Variants in GBE1 observed in about 807,000 individuals in gnomAD.
GBE1 encodes 1,4-alpha-glucan-branching enzyme.
Under a neutral mutation model 88.8 loss-of-function variants are expected in GBE1, and 70 were observed. The observed-to-expected ratio is 0.79, with a 90% confidence interval of 0.65 to 0.96. The LOEUF (loss-of-function observed/expected upper bound fraction) is 0.96. Ranked by LOEUF, GBE1 falls within the 40% of genes least tolerant of loss-of-function variation. The pLI is 0.00. For synonymous variants in GBE1, 284 were observed against 300.1 expected, an observed-to-expected ratio of 0.95 and a Z score of 0.56; for missense variants, 872 against 871.0, an observed-to-expected ratio of 1.00 and a Z score of -0.01.
intron 13 of GBE1, 130 bp from the exon 14 acceptor site, chr3:81,535,455 T>G (rs1377516900): frequency 1.1e-6 from 1 of 881,044 alleles, no homozygotes; most frequent in South Asian, 2.0e-5. Flanking sequence ...TATATTTTTT[T>G]GAACATGTTA....
chr3:81,571,763 A>T (rs983817879), intron 12 of GBE1, among the ~76,000 whole-genome samples: 2 of 152,188 alleles, frequency 1.3e-5, no homozygotes, highest in Non-Finnish European at 1.5e-5. Flanking sequence ...TCTACATTTG[A>T]ATCTTTACCT....
intron 12 of GBE1, among the ~76,000 whole-genome samples, chr3:81,569,661 G>A (rs560598569): frequency 1.3e-5 from 2 of 152,272 alleles, no homozygotes; most frequent in African/African-American, 4.8e-5. Context: ...AAGTGTTAAT[G>A]GAGAAAACTA....
chr3:81,702,172 T>G (rs1705705159), intron 2 of GBE1, among the ~76,000 whole-genome samples: 1 of 141,858 alleles, frequency 7.0e-6, no homozygotes, highest in Admixed American at 7.2e-5. Flanking sequence ...AAGGCATGGT[T>G]AGTTCAGTTA....
At chr3:81,628,353 C>T (rs1704448667) in intron 7 of GBE1, among the ~76,000 whole-genome samples, 1 of 152,058 alleles carries the variant, frequency 6.6e-6, no homozygotes, top group East Asian at 1.9e-4. Context: ...TGAAGGAGAC[C>T]TCAGGAAAAG....
rs59755466 is a variant in GBE1, at chr3:81,541,513, T to C, written c.1619-4418A>G. Among the ~76,000 whole-genome samples, 1,226 of 151,670 alleles carry C rather than the reference T, an allele frequency of 8.1e-3. 24 individuals are homozygous for C. The highest frequency in any genetic ancestry group is 0.028 in the African/African-American group (1,173 of 41,350). Reference sequence around the variant, plus strand: ...TATTAACTCTTAATGTGGTGGTATTTAGGTGATGGGGCTTTGGGAGGTGAT... The same window carrying C: ...TATTAACTCTTAATGTGGTGGTATTCAGGTGATGGGGCTTTGGGAGGTGAT... On this transcript the variant is annotated intron_variant, in intron 12 of 15. Coordinates refer to ENST00000429644, the MANE Select transcript of GBE1 (RefSeq NM_000158.4).
chr3:81,752,733 C>T (rs1034335167), intron 1 of GBE1, among the ~76,000 whole-genome samples: 2 of 152,076 alleles, frequency 1.3e-5, no homozygotes, highest in Admixed American at 1.3e-4. Flanking sequence ...CTCATTCACA[C>T]AATCACTCCT....
intron 4 of GBE1, 23 bp from the exon 5 acceptor site, chr3:81,649,014 T>C (rs752744847): frequency 6.6e-6 from 10 of 1,510,032 alleles, no homozygotes; most frequent in East Asian, 4.7e-5. Context: ...AAATTATGTA[T>C]AGAGTTAAGC....
At chr3:81,598,974 T>C (rs1171045153) in intron 7 of GBE1, among the ~76,000 whole-genome samples, 1 of 152,132 alleles carries the variant, frequency 6.6e-6, no homozygotes, top group South Asian at 2.1e-4. Flanking sequence ...GCTCCAGTTA[T>C]CTATATCCAT....
intron 7 of GBE1, among the ~76,000 whole-genome samples, chr3:81,613,471 A>C (rs1170341478): frequency 6.6e-6 from 1 of 152,060 alleles, no homozygotes; most frequent in Non-Finnish European, 1.5e-5. Context: ...ATCAGAGAGC[A>C]CACTGTGTCT....
At chr3:81,677,667 G>C (rs916216253) in intron 2 of GBE1, among the ~76,000 whole-genome samples, 4 of 152,082 alleles carry the variant, frequency 2.6e-5, no homozygotes, top group African/African-American at 9.7e-5. Flanking sequence ...AGTCCTTTCT[G>C]ACATATTGCC....
intron 2 of GBE1, among the ~76,000 whole-genome samples, chr3:81,676,013 A>G (rs2107122325): frequency 6.6e-6 from 1 of 152,274 alleles, no homozygotes; most frequent in African/African-American, 2.4e-5. Flanking sequence ...ATGAATAGTA[A>G]ATATATTTTC....
intron 1 of GBE1, among the ~76,000 whole-genome samples, chr3:81,731,593 T>C (rs1255017575): frequency 6.6e-6 from 1 of 152,162 alleles, no homozygotes; most frequent in African/African-American, 2.4e-5. Flanking sequence ...TAATACCTAA[T>C]GTTGGAGGAG....
At chr3:81,671,482 T>G (rs1705189087) in intron 2 of GBE1, among the ~76,000 whole-genome samples, 1 of 151,940 alleles carries the variant, frequency 6.6e-6, no homozygotes, top group South Asian at 2.1e-4. Context: ...ATGCAGAACG[T>G]GGAAGAAAGT....
chr3:81,728,726 A>C (rs1559700932), intron 1 of GBE1, among the ~76,000 whole-genome samples: 1 of 152,314 alleles, frequency 6.6e-6, no homozygotes, highest in East Asian at 1.9e-4. Context: ...AGAAAAGTAC[A>C]ATGTGAAAGA....
chr3:81,639,875 C>T (rs1340576661), intron 7 of GBE1, among the ~76,000 whole-genome samples: 1 of 152,012 alleles, frequency 6.6e-6, no homozygotes, highest in East Asian at 1.9e-4. Context: ...ATGCTCTGTC[C>T]CCTATATGAG....
At chr3:81,608,511 G>A (rs182856529) in intron 7 of GBE1, among the ~76,000 whole-genome samples, 1 of 152,164 alleles carries the variant, frequency 6.6e-6, no homozygotes, top group East Asian at 1.9e-4. Flanking sequence ...CTTCACTAAA[G>A]GTCACGGAAT....
intron 7 of GBE1, among the ~76,000 whole-genome samples, chr3:81,640,773 AT>A (rs1376686631): frequency 6.6e-6 from 1 of 152,026 alleles, no homozygotes; most frequent in African/African-American, 2.4e-5. Flanking sequence ...TACAAATGCA[AT>A]TTAATAAAAC....
chr3:81,708,291 T>C (rs1199552345), intron 1 of GBE1, among the ~76,000 whole-genome samples: 1 of 152,018 alleles, frequency 6.6e-6, no homozygotes, highest in Non-Finnish European at 1.5e-5. Flanking sequence ...ATCTATAAGT[T>C]TGTCATAAAA....
chr3:81,640,668 C>T (rs1206038325), intron 7 of GBE1, among the ~76,000 whole-genome samples: 1 of 151,336 alleles, frequency 6.6e-6, no homozygotes, highest in Admixed American at 6.6e-5. Context: ...CTAGAGAACC[C>T]TAATACATTA....
Sources: allele counts gnomAD v4.1 joint callset (sites outside exome capture counted in the v4.1 genomes callset), GRCh38; gene constraint gnomAD v4.1.1; transcripts MANE v1.5; gene names NCBI Gene and HGNC (gene_info 2026-07-23, HGNC 2026-07-21).